Variants in STIP1 observed in about 807,000 individuals in gnomAD.
The protein encoded by STIP1 is stress induced phosphoprotein 1.
STIP1 carries 16 observed loss-of-function variants against 77.4 expected under a neutral mutation model. The ratio of observed to expected loss-of-function variants is 0.21; its 90% CI spans 0.14 to 0.31. The LOEUF (loss-of-function observed/expected upper bound fraction) is 0.31, where lower values mean the gene tolerates loss of function less well. Among genes scored for constraint, STIP1 ranks in the 10% least tolerant of loss-of-function variants. The pLI is 1.00. For synonymous variants in STIP1, 258 were observed against 246.6 expected (o/e 1.05, Z -0.44); for missense variants, 524 against 684.8 (o/e 0.77, Z 2.62).
upstream of STIP1, chr11:64,185,840 C>T: frequency 6.5e-7 from 1 of 1,536,100 alleles, no homozygotes; most frequent in Non-Finnish European, 8.7e-7. Context: ...GTCCGGCAGC[C>T]CAATGGGAGA....
At chr11:64,198,753 G>GTTTTTTTTTTTTTTTTTTTTTGGT (rs371481270) in intron 8 of STIP1, among the ~76,000 whole-genome samples, 1 of 111,062 alleles carries the variant, frequency 9.0e-6, no homozygotes, top group Non-Finnish European at 1.8e-5. Flanking sequence ...TTTTTTTGTG[G>GTTTTTTTTTTTTTTTTTTTTTGGT]TTTTTTTTTT....
chr11:64,185,655 G>C (rs768566590), upstream of STIP1: 6 of 912,806 alleles, frequency 6.6e-6, no homozygotes, highest in Non-Finnish European at 9.6e-6. Flanking sequence ...CAGAGGCCCC[G>C]CAGCCGCCGG....
Position 64,200,260 on chromosome 11 carries a change from C to T in STIP1, c.1212C>T (p.Tyr404=). The T allele has an allele frequency of 6.2e-7, 1 of 1,613,854 alleles. No homozygotes were observed. ...AKLYSNRAAC[Y]TKLLEFQLAL... Reference sequence around the variant, plus strand: ...TATACAGCAATCGAGCTGCCTGCTACACCAAACTCCTGGAGTTCCAGCTGG... The same window carrying T: ...TATACAGCAATCGAGCTGCCTGCTATACCAAACTCCTGGAGTTCCAGCTGG... The change falls in exon 10 of 14, where the codon TAC becomes TAT. Residue 404 remains tyrosine, a synonymous_variant. Coordinates refer to ENST00000305218, the MANE Select transcript of STIP1 (RefSeq NM_006819.3).
chr11:64,194,151 G>A (rs377049230), intron 2 of STIP1, 38 bp from the exon 3 acceptor site: 557 of 1,585,282 alleles, frequency 3.5e-4, no homozygotes, highest in Non-Finnish European at 4.5e-4. Context: ...TTTACCTCTG[G>A]GTGTTCTCTA....
intron 1 of STIP1, among the ~76,000 whole-genome samples, chr11:64,192,038 C>T (rs1048832554): frequency 2.0e-5 from 3 of 152,144 alleles, no homozygotes; most frequent in East Asian, 3.9e-4. Flanking sequence ...TCCCACCGGG[C>T]GCGGTGGCTC....
intron 5 of STIP1, chr11:64,197,020 T>C (rs1055408446): frequency 2.5e-5 from 12 of 486,240 alleles, no homozygotes; most frequent in African/African-American, 5.9e-5. Flanking sequence ...AAAGAAGCGC[T>C]CTGCTTCCTG....
chr11:64,197,405 C>T lies in STIP1; in HGVS notation c.799+8C>T, dbSNP rs1451048529. 4.3e-6 allele frequency: 7 copies of T among 1,613,906 alleles called. No homozygotes were observed. Among genetic ancestry groups the T allele is most frequent in the East Asian group, 2.2e-5 (1 of 44,870 alleles). ...ACATTACCAATCAAGCAGGTGAGGC[C>T]CAGAAACAAGGGGCAAGGGAATTGT... On this transcript the variant is annotated splice_region_variant and intron_variant, in intron 6 of 13. Transcript: ENST00000305218.
At chr11:64,189,344 G>A (rs1237798241) in intron 1 of STIP1, among the ~76,000 whole-genome samples, 1 of 152,046 alleles carries the variant, frequency 6.6e-6, no homozygotes, top group Non-Finnish European at 1.5e-5. Context: ...CTGGGTAACA[G>A]CGAGACTCCG....
chr11:64,186,236 A>G lies in STIP1; in HGVS notation c.-26A>G, dbSNP rs763023123. 1 of 1,548,374 alleles carries G rather than the reference A, an allele frequency of 6.5e-7. No individual in the cohort carries two copies. Among genetic ancestry groups the G allele is most frequent in the South Asian group, 1.2e-5 (1 of 84,036 alleles). ...AACGCGGAGCGGACGGATTCGATTC[A>G]ACGGGGTTCCGGACCGCGCTGCGCT... On this transcript the variant is annotated 5_prime_UTR_variant, in exon 1 of 14. Transcript: ENST00000305218.
chr11:64,199,882 C>T (rs184376892), intron 8 of STIP1, 58 bp from the exon 9 acceptor site: 2 of 1,598,818 alleles, frequency 1.3e-6, no homozygotes, highest in Admixed American at 1.7e-5. Flanking sequence ...ATTTTTAAGC[C>T]CAATATTTAG....
intron 5 of STIP1, chr11:64,197,061 G>GT: frequency 1.6e-6 from 1 of 615,372 alleles, no homozygotes; most frequent in Non-Finnish European, 2.8e-6. Context: ...GTGGAAAAGG[G>GT]GGAGTTTCAG....
At chr11:64,197,181 G>A in intron 5 of STIP1, 90 bp from the exon 6 acceptor site, 1 of 1,548,648 alleles carries the variant, frequency 6.5e-7, no homozygotes, top group Non-Finnish European at 8.8e-7. Context: ...ATTCATGTTA[G>A]TTGCATTTCA....
At chr11:64,198,186 G>A (rs1361242272) in intron 8 of STIP1, among the ~76,000 whole-genome samples, 1 of 151,712 alleles carries the variant, frequency 6.6e-6, no homozygotes, top group Non-Finnish European at 1.5e-5. Context: ...AGCCTGAGTA[G>A]CTAGGATTAC....
At chr11:64,195,943 T>C (rs1946145683) in intron 5 of STIP1, 130 bp downstream of exon 5, 1 of 1,351,678 alleles carries the variant, frequency 7.4e-7, no homozygotes. Flanking sequence ...AGTCTTGCTG[T>C]GTTTCCCAGG....
At chr11:64,200,388 T>G (rs546774154) in intron 10 of STIP1, 95 bp downstream of exon 10, 1 of 1,510,350 alleles carries the variant, frequency 6.6e-7, no homozygotes, top group East Asian at 2.3e-5. Flanking sequence ...TTGATGATGA[T>G]CATGATGTTT....
rs1946260949 is a variant in STIP1 at position 64,204,399 on chromosome 11, CCA to C, written c.*274_*275del. On this transcript the variant is annotated 3_prime_UTR_variant, in exon 14 of 14. Transcript: ENST00000305218. ...CCTAGTTGCTGTCTCGGCTGCTCTC[CCA>C]TAGTTGGTTTTTTTTTTATTTGGGG... The C allele has an allele frequency of 2.2e-6, 1 of 458,876 alleles. No homozygotes were observed. Among genetic ancestry groups the C allele is most frequent in the Non-Finnish European group, 3.8e-6 (1 of 260,478 alleles). The allele number at this position is 458,876 out of a possible 1,614,324, so 28.4% of individuals were successfully genotyped here.
At chr11:64,192,774 T>A (rs536850517) in intron 1 of STIP1, among the ~76,000 whole-genome samples, 33 of 152,332 alleles carry the variant, frequency 2.2e-4, no homozygotes, top group Non-Finnish European at 4.3e-4. Flanking sequence ...GGAAGGAGCA[T>A]GTGGCACATT....
Position 64,195,712 on chromosome 11 carries a change from G to T in STIP1, c.571G>T (p.Asp191Tyr), listed in dbSNP as rs753901584. ...VLLGVDLGSMDEEEEIATPPP... is the reference protein window; with the variant it reads ...VLLGVDLGSMYEEEEIATPPP... ...CCTTGGGGTCGATCTGGGCAGTATGGATGAGGAGGAAGAGATTGCAACACC... is the reference window on the plus strand; with the variant it reads ...CCTTGGGGTCGATCTGGGCAGTATGTATGAGGAGGAAGAGATTGCAACACC... Residue 191 changes from aspartate (D) to tyrosine (Y), a missense_variant, in exon 5 of 14, where the codon GAT becomes TAT. Physicochemically the swap from Asp to Tyr is radical, Grantham distance 160. Transcript: ENST00000305218. 6.2e-7 allele frequency: 1 copy of T among 1,613,996 alleles called. No individual in the cohort carries two copies. The highest frequency in any genetic ancestry group is 8.5e-7 in the Non-Finnish European group (1 of 1,180,040).
At chr11:64,192,947 G>C in intron 1 of STIP1, 131 bp from the exon 2 acceptor site, 1 of 876,456 alleles carries the variant, frequency 1.1e-6, no homozygotes, top group East Asian at 2.7e-5. Flanking sequence ...AAATGAACCG[G>C]TTTTCTCTCT....
Sources: allele counts gnomAD v4.1 joint callset (sites outside exome capture counted in the v4.1 genomes callset), GRCh38; gene constraint gnomAD v4.1.1; transcripts MANE v1.5; gene names NCBI Gene and HGNC (gene_info 2026-07-23, HGNC 2026-07-21).